GAS7: variants seen among roughly 807,000 people sequenced by gnomAD.
GAS7 encodes growth arrest specific 7.
A neutral mutation model predicts 71.1 loss-of-function variants in GAS7; 28 were observed. That is an observed-to-expected ratio of 0.39 (90% confidence interval 0.29 to 0.54). GAS7 has a LOEUF of 0.54. GAS7 is among the 20% of genes least tolerant of loss of function. The pLI is 0.62. For missense variants in GAS7, 436 were observed against 627.8 expected, an observed-to-expected ratio of 0.69 and a Z score of 3.27; for synonymous variants, 258 against 245.8, an observed-to-expected ratio of 1.05 and a Z score of -0.46.
intron 1 of GAS7, among the ~76,000 whole-genome samples, chr17:10,152,111 T>C (rs771064915): frequency 1.3e-5 from 2 of 152,206 alleles, no homozygotes; most frequent in Admixed American, 6.5e-5. Flanking sequence ...CACCTCTGAC[T>C]GGCTGTCACG....
At chr17:10,046,257 G>T (rs914646072) in intron 1 of GAS7, among the ~76,000 whole-genome samples, 28 of 152,170 alleles carry the variant, frequency 1.8e-4, no homozygotes, top group Non-Finnish European at 3.4e-4. Context: ...AAAAGGAGAT[G>T]CAGGGGACTT....
chr17:10,022,416 T>C (rs2072304884), intron 1 of GAS7, among the ~76,000 whole-genome samples: 5 of 152,102 alleles, frequency 3.3e-5, no homozygotes, highest in African/African-American at 7.2e-5. Flanking sequence ...TCCAAATAAC[T>C]TGGGAGGAAA....
chr17:10,049,526 T>C (rs2073030707), intron 1 of GAS7, among the ~76,000 whole-genome samples: 1 of 152,016 alleles, frequency 6.6e-6, no homozygotes, highest in Non-Finnish European at 1.5e-5. Context: ...ATTCTATTTC[T>C]TTCACCAATT....
intron 3 of GAS7, among the ~76,000 whole-genome samples, chr17:9,975,425 T>G (rs761762107): frequency 1.3e-5 from 2 of 151,778 alleles, no homozygotes; most frequent in Non-Finnish European, 2.9e-5. Context: ...AATCCTCGCT[T>G]CCCTCTTTTC....
intron 1 of GAS7, among the ~76,000 whole-genome samples, chr17:10,022,329 T>G (rs563200749): frequency 2.6e-5 from 4 of 152,206 alleles, no homozygotes; most frequent in Non-Finnish European, 5.9e-5. Context: ...AGGGGCAAGA[T>G]GCCAGGTGTC....
chr17:10,022,110 A>C (rs531241105), intron 1 of GAS7, among the ~76,000 whole-genome samples: 1 of 152,274 alleles, frequency 6.6e-6, no homozygotes, highest in African/African-American at 2.4e-5. Flanking sequence ...TTTTAAAATT[A>C]GCCGGGTGTG....
intron 3 of GAS7, among the ~76,000 whole-genome samples, chr17:9,972,086 A>AG (rs1175877470): frequency 6.6e-6 from 1 of 152,220 alleles, no homozygotes; most frequent in East Asian, 1.9e-4. Context: ...CCAAGGAAAT[A>AG]GCAAGCTGAT....
chr17:10,160,912 A>C (rs893028696), intron 1 of GAS7, among the ~76,000 whole-genome samples: 1 of 150,394 alleles, frequency 6.6e-6, no homozygotes, highest in African/African-American at 2.5e-5. Flanking sequence ...GGATGCAGTA[A>C]GTTGGAAGCC....
intron 1 of GAS7, among the ~76,000 whole-genome samples, chr17:10,046,495 C>A (rs1447469345): frequency 2.6e-5 from 4 of 151,600 alleles, no homozygotes; most frequent in African/African-American, 9.7e-5. Context: ...TCCCAGCACA[C>A]TGCCCGCCTC....
At chr17:10,186,147 C>A (rs1013211660) in intron 1 of GAS7, among the ~76,000 whole-genome samples, 1 of 150,584 alleles carries the variant, frequency 6.6e-6, no homozygotes, top group African/African-American at 2.4e-5. Flanking sequence ...TTAATAGAGA[C>A]GGGGTTTCAC....
chr17:10,105,509 G>T (rs1302814835), intron 1 of GAS7, among the ~76,000 whole-genome samples: 1 of 152,184 alleles, frequency 6.6e-6, no homozygotes, highest in African/African-American at 2.4e-5. Flanking sequence ...GGACTGTGCT[G>T]TTCTAGCATT....
chr17:9,951,692 G>C (rs1296028415), intron 5 of GAS7, among the ~76,000 whole-genome samples: 1 of 150,118 alleles, frequency 6.7e-6, no homozygotes, highest in Non-Finnish European at 1.5e-5. Flanking sequence ...GGGAGGTGGC[G>C]GTTGCGGTGA....
chr17:10,120,412 G>A (rs927864021), intron 1 of GAS7, among the ~76,000 whole-genome samples: 1 of 152,178 alleles, frequency 6.6e-6, no homozygotes, highest in Admixed American at 6.6e-5. Context: ...CACGAGACCA[G>A]GACGGACTCA....
At chr17:10,168,298 T>G (rs1278749221) in intron 1 of GAS7, among the ~76,000 whole-genome samples, 1 of 152,192 alleles carries the variant, frequency 6.6e-6, no homozygotes, top group African/African-American at 2.4e-5. Context: ...AAAAAGAAGT[T>G]AAGAAATAAT....
chr17:9,937,730 G>C (rs1465225319), intron 8 of GAS7, among the ~76,000 whole-genome samples: 1 of 152,210 alleles, frequency 6.6e-6, no homozygotes, highest in Non-Finnish European at 1.5e-5. Context: ...ATTTGGACTG[G>C]TTTAACATCA....
intron 1 of GAS7, among the ~76,000 whole-genome samples, chr17:10,053,804 A>G (rs979111230): frequency 7.2e-5 from 11 of 152,224 alleles, no homozygotes; most frequent in Non-Finnish European, 1.5e-4. Context: ...TCTCTCCCCC[A>G]TGGGTCTTAA....
At chr17:9,988,549 T>G (rs959554640) in intron 2 of GAS7, among the ~76,000 whole-genome samples, 2 of 152,210 alleles carry the variant, frequency 1.3e-5, no homozygotes, top group Admixed American at 1.3e-4. Flanking sequence ...CAGCCATTGC[T>G]ACAAGACATT....
At chr17:10,124,447 C>T (rs542962007) in intron 1 of GAS7, among the ~76,000 whole-genome samples, 1 of 152,234 alleles carries the variant, frequency 6.6e-6, no homozygotes, top group Non-Finnish European at 1.5e-5. Context: ...CCCACACATG[C>T]GCACAAATCC....
chr17:9,979,706 G>A (rs1011432175), intron 3 of GAS7, among the ~76,000 whole-genome samples: 9 of 152,074 alleles, frequency 5.9e-5, no homozygotes, highest in Admixed American at 1.3e-4. Flanking sequence ...CTACACATCC[G>A]AGCCTCCCTC....
Sources: gnomAD v4.1 joint callset for allele counts (sites outside exome capture counted in the v4.1 genomes callset) on GRCh38, gnomAD v4.1.1 for gene constraint, MANE v1.5 for transcripts, NCBI Gene and HGNC (gene_info 2026-07-23, HGNC 2026-07-21) for gene names.